B3GALT1: variants seen among roughly 807,000 people sequenced by gnomAD.
B3GALT1 encodes UDP-Gal:betaGlcNAc beta 1,3-galactosyltransferase, polypeptide 1.
In B3GALT1, 10 loss-of-function variants were observed where a neutral mutation model predicts 23.2. The ratio of observed to expected loss-of-function variants is 0.43; its 90% CI spans 0.27 to 0.73. The LOEUF is 0.73. Ranked by LOEUF, B3GALT1 falls within the 30% of genes least tolerant of loss-of-function variation. The probability of loss-of-function intolerance (pLI) is 0.21; values close to 1 mark genes in which losing one functional copy is unlikely to be tolerated. For synonymous variants in B3GALT1, 156 were observed against 141.5 expected, an observed-to-expected ratio of 1.10 and a Z score of -0.73; for missense variants, 299 against 405.4, an observed-to-expected ratio of 0.74 and a Z score of 2.25.
chr2:167,785,689 T>C lies in B3GALT1; in HGVS notation c.-351-32983T>C, dbSNP rs552604273. ...TGCATAAAACCTTTAAATGTCATGC[T>C]TCACTGAGCATTTAGCAGGAGTGCT... is the stretch of plus-strand genomic sequence containing the variant. On this transcript the variant is annotated intron_variant, in intron 3 of 4. Coordinates refer to ENST00000392690, the MANE Select transcript of B3GALT1 (RefSeq NM_020981.4). Among the ~76,000 whole-genome samples the C allele has an allele frequency of 5.3e-4, 81 of 152,350 alleles. 2 individuals carry two copies. Among genetic ancestry groups the C allele is most frequent in the Admixed American group, 4.5e-3 (69 of 15,302 alleles).
chr2:167,475,888 C>T (rs1445129302), intron 1 of B3GALT1, among the ~76,000 whole-genome samples: 2 of 152,140 alleles, frequency 1.3e-5, no homozygotes, highest in African/African-American at 2.4e-5. Context: ...TTGCCTGCAA[C>T]TTTTGTTGTT....
rs1690372971 is a variant in B3GALT1 at position 167,872,509 on chromosome 2, A to T, written c.*2489A>T. 6.6e-6 allele frequency: 1 copy of T among 152,220 alleles called. No individual in the cohort carries two copies. Among genetic ancestry groups the T allele is most frequent in the Admixed American group, 6.5e-5 (1 of 15,278 alleles). The allele number at this position is 152,220 out of a possible 1,614,324, so 9.4% of individuals were successfully genotyped here. A position where few individuals can be genotyped will look rare whatever the true frequency, so the allele number is the denominator to read the frequency against. Reference sequence around the variant, plus strand: ...ACTGCTGTGAGTTCCAATCACTGGGAAAGTCTCACGACTTCTTACTTGGTT... The same window carrying T: ...ACTGCTGTGAGTTCCAATCACTGGGTAAGTCTCACGACTTCTTACTTGGTT... On this transcript the variant is annotated 3_prime_UTR_variant, in exon 5 of 5. Coordinates refer to ENST00000392690, the MANE Select transcript of B3GALT1 (RefSeq NM_020981.4).
intron 3 of B3GALT1, among the ~76,000 whole-genome samples, chr2:167,749,300 G>A (rs1025486818): frequency 4.6e-5 from 7 of 152,052 alleles, no homozygotes; most frequent in South Asian, 4.2e-4. Context: ...TGTCATATCC[G>A]TTCTCTGGTA....
chr2:167,311,470 ATC>A (rs1696632842), intron 1 of B3GALT1, among the ~76,000 whole-genome samples: 1 of 152,068 alleles, frequency 6.6e-6, no homozygotes, highest in Admixed American at 6.6e-5. Flanking sequence ...TTATTCTTGC[ATC>A]TCTTTTGTAA....
chr2:167,507,999 G>A lies in B3GALT1; in HGVS notation c.-410+17722G>A, dbSNP rs963860051. ...GCCTACTTTCAGGTTACAGACTGCC[G>A]ACTTCTCTTTGTGTCCTCATGTGAC... On this transcript the variant is annotated intron_variant, in intron 2 of 4. Coordinates refer to ENST00000392690, the MANE Select transcript of B3GALT1 (RefSeq NM_020981.4). Among the ~76,000 whole-genome samples, 12 of 152,178 alleles carry A rather than the reference G, an allele frequency of 7.9e-5. No homozygotes were observed. The South Asian group carries it at 1.0e-3, about 13-fold the overall frequency.
At chr2:167,449,119 C>G (rs1574083887) in intron 1 of B3GALT1, among the ~76,000 whole-genome samples, 1 of 151,904 alleles carries the variant, frequency 6.6e-6, no homozygotes, top group East Asian at 1.9e-4. Flanking sequence ...GATTTTTTTT[C>G]TAGTTCTGTG....
intron 3 of B3GALT1, among the ~76,000 whole-genome samples, chr2:167,816,816 T>TAGTA (rs1419856583): frequency 2.6e-5 from 4 of 152,232 alleles, no homozygotes; most frequent in African/African-American, 9.6e-5. Context: ...GCAAATAATC[T>TAGTA]AGTAAGTGCT....
At chr2:167,400,550 C>G (rs1698171884) in intron 1 of B3GALT1, among the ~76,000 whole-genome samples, 1 of 152,074 alleles carries the variant, frequency 6.6e-6, no homozygotes, top group South Asian at 2.1e-4. Flanking sequence ...ATAGGGAGTA[C>G]TATGGGTTCC....
At chr2:167,524,129 A>G (rs530981835) in intron 2 of B3GALT1, among the ~76,000 whole-genome samples, 167 of 152,322 alleles carry the variant, frequency 1.1e-3, no homozygotes, top group African/African-American at 3.8e-3. Context: ...AGCATACCAC[A>G]TCGAACATTT....
intron 4 of B3GALT1, among the ~76,000 whole-genome samples, chr2:167,822,537 A>C (rs929736479): frequency 1.3e-5 from 2 of 152,222 alleles, no homozygotes; most frequent in African/African-American, 4.8e-5. Flanking sequence ...AAGAAGGAGC[A>C]CAGGAAAACC....
intron 2 of B3GALT1, among the ~76,000 whole-genome samples, chr2:167,552,702 A>C (rs1252899562): frequency 6.6e-6 from 1 of 152,210 alleles, no homozygotes; most frequent in Non-Finnish European, 1.5e-5. Flanking sequence ...GTTTGGAATA[A>C]GTTTCTAGAT....
At chr2:167,848,677 C>G (rs1369658026) in intron 4 of B3GALT1, among the ~76,000 whole-genome samples, 1 of 152,134 alleles carries the variant, frequency 6.6e-6, no homozygotes, top group Non-Finnish European at 1.5e-5. Context: ...CCTCTGAGAA[C>G]TGGAACAAGA....
chr2:167,333,526 C>G (rs1697009649), intron 1 of B3GALT1, among the ~76,000 whole-genome samples: 1 of 152,222 alleles, frequency 6.6e-6, no homozygotes, highest in South Asian at 2.1e-4. Context: ...TCTAAGGTGG[C>G]TTCCTCATGC....
At chr2:167,439,436 G>C (rs907691139) in intron 1 of B3GALT1, among the ~76,000 whole-genome samples, 1 of 151,984 alleles carries the variant, frequency 6.6e-6, no homozygotes, top group Non-Finnish European at 1.5e-5. Flanking sequence ...TGTTTTACTT[G>C]CTAGATTTGG....
At chr2:167,807,900 G>A (rs529949303) in intron 3 of B3GALT1, among the ~76,000 whole-genome samples, 7 of 152,038 alleles carry the variant, frequency 4.6e-5, no homozygotes, top group Admixed American at 3.9e-4. Context: ...TTGACAGTGG[G>A]GTGTTAAAGT....
rs370219795 is a variant in B3GALT1, at chr2:167,553,554, G to A, written c.-410+63277G>A. Among the ~76,000 whole-genome samples, 22 of 152,176 alleles carry A rather than the reference G, an allele frequency of 1.4e-4. 1 individual carries two copies. In the East Asian group the frequency reaches 2.5e-3, roughly 17 times the overall value. ...ATCCCATGGCTGCATCCCAGTCTCA[G>A]TTCCACCTAAAGGTATGCCCTAGGT... On this transcript the variant is annotated intron_variant, in intron 2 of 4. Transcript: ENST00000392690.
chr2:167,447,728 G>T (rs180889063), intron 1 of B3GALT1, among the ~76,000 whole-genome samples: 1 of 152,260 alleles, frequency 6.6e-6, no homozygotes, highest in East Asian at 1.9e-4. Flanking sequence ...ATATTAGGGT[G>T]GAAGTGACCC....
At chr2:167,403,849 G>A (rs2689849) in intron 1 of B3GALT1, among the ~76,000 whole-genome samples, 143,957 of 152,154 alleles carry the variant, frequency 0.95, 68,371 homozygotes, top group Non-Finnish European at 0.99. Flanking sequence ...AAAATAGTGT[G>A]AATGTTAAGG....
At chr2:167,621,555 A>G (rs1267032526) in intron 2 of B3GALT1, among the ~76,000 whole-genome samples, 6 of 152,024 alleles carry the variant, frequency 3.9e-5, no homozygotes, top group Non-Finnish European at 7.4e-5. Flanking sequence ...TTGAGGGAAA[A>G]CGTATTACTT....
Sources: allele counts gnomAD v4.1 joint callset (sites outside exome capture counted in the v4.1 genomes callset), GRCh38; gene constraint gnomAD v4.1.1; transcripts MANE v1.5; gene names NCBI Gene and HGNC (gene_info 2026-07-23, HGNC 2026-07-21).